Variants in SMYD3 observed in about 807,000 individuals in gnomAD.
SMYD3 encodes the protein histone-lysine N-methyltransferase SMYD3.
In SMYD3, 36 loss-of-function variants were observed where a neutral mutation model predicts 57.7. The observed-to-expected ratio is 0.62, with a 90% CI of 0.48 to 0.82. The LOEUF (loss-of-function observed/expected upper bound fraction) is 0.82. SMYD3 is among the 40% of genes least tolerant of loss of function. The probability of loss-of-function intolerance (pLI) is 0.00; values close to 1 mark genes in which losing one functional copy is unlikely to be tolerated. For synonymous variants in SMYD3, 211 were observed against 195.0 expected, an observed-to-expected ratio of 1.08 and a Z score of -0.68; for missense variants, 515 against 538.8, an observed-to-expected ratio of 0.96 and a Z score of 0.44.
In SMYD3 at chr1:245,893,293, A is replaced by C. The variant is rs188340742; in HGVS notation, c.813+22237T>G. Among the ~76,000 whole-genome samples the C allele has an allele frequency of 1.3e-3, 191 of 152,326 alleles. 1 individual carries two copies. Among genetic ancestry groups the C allele is most frequent in the African/African-American group, 4.2e-3 (174 of 41,572 alleles). Reference sequence around the variant, plus strand: ...CAAAACAATAGGGGCTGCTTTGAAAAAAAGTGCAGCAATTTCTTATAAAGT... The same window carrying C: ...CAAAACAATAGGGGCTGCTTTGAAACAAAGTGCAGCAATTTCTTATAAAGT... On this transcript the variant is annotated intron_variant, in intron 8 of 11. Transcript: ENST00000490107.
chr1:246,114,567 T>C (rs938246795), intron 5 of SMYD3, among the ~76,000 whole-genome samples: 2 of 152,186 alleles, frequency 1.3e-5, no homozygotes, highest in Non-Finnish European at 2.9e-5. Flanking sequence ...AGCCCCTGCC[T>C]CTTGGCAGAC....
intron 5 of SMYD3, among the ~76,000 whole-genome samples, chr1:246,233,777 G>A (rs28533577): frequency 2.9e-5 from 3 of 101,840 alleles, no homozygotes; most frequent in African/African-American, 7.9e-5. Flanking sequence ...GAGGAGAAAC[G>A]CTCCTTCAAT....
chr1:246,415,002 C>T (rs1181837037), intron 1 of SMYD3, among the ~76,000 whole-genome samples: 1 of 152,110 alleles, frequency 6.6e-6, no homozygotes, highest in Non-Finnish European at 1.5e-5. Context: ...CAGGTGTGAG[C>T]CACCGCGCCC....
intron 1 of SMYD3, among the ~76,000 whole-genome samples, chr1:246,468,023 T>C (rs1411555754): frequency 6.6e-6 from 1 of 151,648 alleles, no homozygotes; most frequent in East Asian, 1.9e-4. Context: ...TAGGCGGGCG[T>C]GGTGGCACAT....
chr1:245,952,351 G>C (rs2057684698), intron 5 of SMYD3, among the ~76,000 whole-genome samples: 1 of 152,060 alleles, frequency 6.6e-6, no homozygotes, highest in Non-Finnish European at 1.5e-5. Context: ...CAGATGAGTT[G>C]ATGACAAAAA....
intron 8 of SMYD3, among the ~76,000 whole-genome samples, chr1:245,902,193 C>G (rs137998075): frequency 4.6e-5 from 7 of 152,300 alleles, no homozygotes; most frequent in Admixed American, 2.0e-4. Context: ...ATCCAGTACT[C>G]TAGCCCACAC....
Position 246,441,886 on chromosome 1 carries a change from A to G in SMYD3, c.164+65168T>C, listed in dbSNP as rs147471933. On this transcript the variant is annotated intron_variant, in intron 1 of 11. Transcript: ENST00000490107. Reference sequence around the variant, plus strand: ...CTCGGGCCCCCAGGGTGCTGGGACTACAGGCGTGAACTTACGCGCCCCACC... The same window carrying G: ...CTCGGGCCCCCAGGGTGCTGGGACTGCAGGCGTGAACTTACGCGCCCCACC... Among the ~76,000 whole-genome samples the G allele has an allele frequency of 1.4e-4, 21 of 152,366 alleles. No individual in the cohort carries two copies. In the East Asian group the frequency reaches 4.1e-3, roughly 29 times the overall value.
At chr1:246,317,287 T>C (rs2065177479) in intron 5 of SMYD3, among the ~76,000 whole-genome samples, 1 of 152,244 alleles carries the variant, frequency 6.6e-6, no homozygotes, top group Admixed American at 6.5e-5. Context: ...CAATGGCTTT[T>C]TAGAAAATAA....
chr1:245,951,159 AC>A (rs1558526892), intron 5 of SMYD3, among the ~76,000 whole-genome samples: 1 of 152,072 alleles, frequency 6.6e-6, no homozygotes, highest in Admixed American at 6.5e-5. Flanking sequence ...TTACCTGCAA[AC>A]CAGGGGATGG....
At chr1:245,807,563 G>A (rs1310953118) in intron 10 of SMYD3, among the ~76,000 whole-genome samples, 1 of 152,180 alleles carries the variant, frequency 6.6e-6, no homozygotes, top group Non-Finnish European at 1.5e-5. Context: ...ACACATTAGT[G>A]AGAGCAATCG....
intron 1 of SMYD3, among the ~76,000 whole-genome samples, chr1:246,363,417 G>GA (rs1229320325): frequency 1.3e-5 from 2 of 152,228 alleles, no homozygotes; most frequent in Non-Finnish European, 2.9e-5. Context: ...CGTCTGGGAG[G>GA]TGTACCCAAC....
intron 10 of SMYD3, among the ~76,000 whole-genome samples, chr1:245,800,182 A>G (rs2047786137): frequency 6.6e-6 from 1 of 151,944 alleles, no homozygotes; most frequent in Admixed American, 6.6e-5. Flanking sequence ...CGGGTCAGGG[A>G]GAGCTCTTCT....
chr1:245,787,590 A>G (rs530608497), intron 10 of SMYD3, among the ~76,000 whole-genome samples: 2 of 152,030 alleles, frequency 1.3e-5, no homozygotes, highest in East Asian at 3.9e-4. Context: ...CAAAACTTCC[A>G]AGCCTCCTTT....
At chr1:246,204,431 T>G (rs2062966405) in intron 5 of SMYD3, among the ~76,000 whole-genome samples, 1 of 152,180 alleles carries the variant, frequency 6.6e-6, no homozygotes, top group Non-Finnish European at 1.5e-5. Context: ...ATATTTCCAG[T>G]GCTGAGCACT....
At chr1:245,995,611 T>C (rs2058913482) in intron 5 of SMYD3, among the ~76,000 whole-genome samples, 1 of 152,188 alleles carries the variant, frequency 6.6e-6, no homozygotes, top group Non-Finnish European at 1.5e-5. Flanking sequence ...AGGGGAGGCA[T>C]GTGGCAGTAG....
In SMYD3 at chr1:246,485,613, C is replaced by CG. The variant is rs990533640; in HGVS notation, c.164+21440_164+21441insC. Among the ~76,000 whole-genome samples, 75 of 151,680 alleles carry CG rather than the reference C, an allele frequency of 4.9e-4. No homozygotes were observed. In the East Asian group the frequency reaches 5.6e-3, roughly 11 times the overall value. On this transcript the variant is annotated intron_variant, in intron 1 of 11. Coordinates refer to ENST00000490107, the MANE Select transcript of SMYD3 (RefSeq NM_001167740.2). ...CCTGGGCAATACAGTGAGACCCCCC[C>CG]CCACATCTCTACAAAAAAAATTTTT...
At chr1:246,171,262 T>TATC (rs1162881260) in intron 5 of SMYD3, among the ~76,000 whole-genome samples, 2 of 152,242 alleles carry the variant, frequency 1.3e-5, no homozygotes, top group East Asian at 3.8e-4. Context: ...AAGTTTATCC[T>TATC]ATCAATTGTT....
chr1:246,289,914 G>A (rs1348292937), intron 5 of SMYD3, among the ~76,000 whole-genome samples: 1 of 152,160 alleles, frequency 6.6e-6, no homozygotes, highest in Non-Finnish European at 1.5e-5. Flanking sequence ...TATCAACACA[G>A]ACAGTACGAC....
At chr1:245,898,796 T>G (rs1456338119) in intron 8 of SMYD3, among the ~76,000 whole-genome samples, 3 of 152,178 alleles carry the variant, frequency 2.0e-5, no homozygotes, top group African/African-American at 7.2e-5. Flanking sequence ...GCATGTGACA[T>G]CCAAAGCAGC....
Sources: gnomAD v4.1 joint callset for allele counts (sites outside exome capture counted in the v4.1 genomes callset) on GRCh38, gnomAD v4.1.1 for gene constraint, MANE v1.5 for transcripts, NCBI Gene and HGNC (gene_info 2026-07-23, HGNC 2026-07-21) for gene names.